Variants in CYP7B1 observed in about 807,000 individuals in gnomAD.
The protein encoded by CYP7B1 is cytochrome P450 family 7 subfamily B member 1.
A neutral mutation model predicts 42.7 loss-of-function variants in CYP7B1; 29 were observed. The ratio of observed to expected loss-of-function variants is 0.68; its 90% confidence interval spans 0.51 to 0.93. The LOEUF is 0.93. Among genes scored for constraint, CYP7B1 ranks in the 40% least tolerant of loss-of-function variants. The pLI is 0.00. For synonymous variants in CYP7B1, 235 were observed against 218.2 expected (o/e 1.08, Z -0.68); for missense variants, 655 against 600.5 (o/e 1.09, Z -0.95).
At chr8:64,659,850 T>C (rs1806175039) in intron 1 of CYP7B1, among the ~76,000 whole-genome samples, 1 of 152,142 alleles carries the variant, frequency 6.6e-6, no homozygotes, top group South Asian at 2.1e-4. Context: ...AAAATACCCA[T>C]CTTGAGTTTG....
At position 64,615,929 on chromosome 8, in the gene CYP7B1, G is replaced by A; in HGVS notation, c.612C>T (p.Asp204=). 1 of 1,613,482 alleles carries A rather than the reference G, an allele frequency of 6.2e-7. No homozygotes were observed. The highest frequency in any genetic ancestry group is 8.5e-7 in the Non-Finnish European group (1 of 1,179,696). ...TTAGCTCACTAATAAATTTGTTGTT[G>A]TCACAAACAATAACTTTTCCATATA... is the stretch of plus-strand genomic sequence containing the variant. ...TTIYGKVIVC[D]NNKFISELRD... The change falls in exon 3 of 6, where the codon GAC becomes GAT. Residue 204 remains aspartate (D), a synonymous_variant. Coordinates refer to ENST00000310193, the MANE Select transcript of CYP7B1 (RefSeq NM_004820.5).
intron 1 of CYP7B1, among the ~76,000 whole-genome samples, chr8:64,639,785 C>T (rs1805826378): frequency 6.6e-6 from 1 of 152,078 alleles, no homozygotes; most frequent in Non-Finnish European, 1.5e-5. Context: ...AACAAAAACA[C>T]ATGTCCATAC....
chr8:64,733,743 G>C (rs1585884003), intron 1 of CYP7B1, among the ~76,000 whole-genome samples: 1 of 152,278 alleles, frequency 6.6e-6, no homozygotes, highest in East Asian at 1.9e-4. Flanking sequence ...GGCTGAGGCA[G>C]GGGGATCACT....
chr8:64,614,417 G>T (rs1805403772), intron 4 of CYP7B1, among the ~76,000 whole-genome samples: 1 of 152,058 alleles, frequency 6.6e-6, no homozygotes, highest in Admixed American at 6.6e-5. Context: ...TGTAGTTGTT[G>T]CTTTTCCTTT....
chr8:64,636,029 A>G (rs1805764295), intron 1 of CYP7B1, among the ~76,000 whole-genome samples: 1 of 152,210 alleles, frequency 6.6e-6, no homozygotes, highest in Non-Finnish European at 1.5e-5. Flanking sequence ...CCATGGAAAT[A>G]ATGTCAAGGT....
At chr8:64,675,670 C>G (rs1458383412) in intron 1 of CYP7B1, among the ~76,000 whole-genome samples, 1 of 152,052 alleles carries the variant, frequency 6.6e-6, no homozygotes, top group East Asian at 1.9e-4. Context: ...CTCTGGGGAT[C>G]AAGTACATCA....
chr8:64,607,318 T>C (rs1240435637), intron 4 of CYP7B1, among the ~76,000 whole-genome samples: 1 of 152,042 alleles, frequency 6.6e-6, no homozygotes, highest in Non-Finnish European at 1.5e-5. Context: ...TATAGTATTG[T>C]TATTCTTAGA....
chr8:64,704,234 T>C (rs1190098983), intron 1 of CYP7B1, among the ~76,000 whole-genome samples: 2 of 152,090 alleles, frequency 1.3e-5, no homozygotes, highest in African/African-American at 4.8e-5. Flanking sequence ...ATGTGTCAGC[T>C]GACTTCATTG....
At chr8:64,748,211 T>C (rs1807675057) in intron 1 of CYP7B1, among the ~76,000 whole-genome samples, 1 of 152,172 alleles carries the variant, frequency 6.6e-6, no homozygotes, top group African/African-American at 2.4e-5. Flanking sequence ...GCTCTGATGT[T>C]GGGTGAGCAG....
chr8:64,676,326 T>C (rs1379223775), intron 1 of CYP7B1, among the ~76,000 whole-genome samples: 2 of 152,086 alleles, frequency 1.3e-5, no homozygotes, highest in African/African-American at 4.8e-5. Context: ...CAATGTACCA[T>C]CTTACGCGTT....
intron 1 of CYP7B1, among the ~76,000 whole-genome samples, chr8:64,672,493 T>A (rs1806381605): frequency 6.6e-6 from 1 of 152,172 alleles, no homozygotes; most frequent in Non-Finnish European, 1.5e-5. Context: ...CCAGACTTGA[T>A]GTTTATTCAT....
chr8:64,615,340 T>C lies in CYP7B1; in HGVS notation c.851-108A>G. The C allele has an allele frequency of 1.1e-5, 12 of 1,127,646 alleles. No homozygotes were observed. In the South Asian group the frequency reaches 1.6e-4, roughly 15 times the overall value. The allele number at this position is 1,127,646 out of a possible 1,614,324, so 69.9% of individuals were successfully genotyped here. On this transcript the variant is annotated intron_variant, in intron 3 of 5. Transcript: ENST00000310193. ...GGACACAGACCCAGCCAAGGATCAG[T>C]GCATGCTAATGAGAACCAATAGGCT...
chr8:64,771,469 C>A (rs956176294), intron 1 of CYP7B1, among the ~76,000 whole-genome samples: 3 of 151,932 alleles, frequency 2.0e-5, no homozygotes, highest in Non-Finnish European at 4.4e-5. Flanking sequence ...TTCTTTTTTT[C>A]TTTATATTTT....
chr8:64,680,153 A>G (rs1233822018), intron 1 of CYP7B1, among the ~76,000 whole-genome samples: 1 of 151,704 alleles, frequency 6.6e-6, no homozygotes, highest in African/African-American at 2.4e-5. Context: ...AGATCATGTG[A>G]TATTTTTTCT....
chr8:64,718,024 C>T (rs555895598), intron 1 of CYP7B1, among the ~76,000 whole-genome samples: 4 of 151,356 alleles, frequency 2.6e-5, no homozygotes, highest in South Asian at 2.1e-4. Context: ...TATACAGTCA[C>T]GAGTTCATAT....
chr8:64,675,278 C>T (rs1302637403), intron 1 of CYP7B1, among the ~76,000 whole-genome samples: 1 of 151,958 alleles, frequency 6.6e-6, no homozygotes, highest in Non-Finnish European at 1.5e-5. Context: ...AATAAATATG[C>T]TAGCACAGTG....
intron 1 of CYP7B1, among the ~76,000 whole-genome samples, chr8:64,680,435 G>C (rs1806518874): frequency 6.6e-6 from 1 of 152,098 alleles, no homozygotes. Flanking sequence ...CCAGGTCTGT[G>C]CCTGAAGGAC....
chr8:64,616,728 C>A (rs935692876), intron 2 of CYP7B1, among the ~76,000 whole-genome samples: 1 of 152,260 alleles, frequency 6.6e-6, no homozygotes, highest in African/African-American at 2.4e-5. Flanking sequence ...GAGTTTTGTT[C>A]AAATACAACA....
chr8:64,781,879 C>A (rs1024264308), intron 1 of CYP7B1, among the ~76,000 whole-genome samples: 5 of 152,144 alleles, frequency 3.3e-5, no homozygotes, highest in Non-Finnish European at 7.4e-5. Context: ...TCCCAAGTAG[C>A]ACAGCACCTT....
Sources: allele counts gnomAD v4.1 joint callset (sites outside exome capture counted in the v4.1 genomes callset), GRCh38; gene constraint gnomAD v4.1.1; transcripts MANE v1.5; gene names NCBI Gene and HGNC (gene_info 2026-07-23, HGNC 2026-07-21).